The following CSMD1 variants were observed in gnomAD, a reference collection of about 807,000 sequenced individuals.
CSMD1 encodes the protein CUB and Sushi multiple domains 1, also known as CUB and sushi domain-containing protein 1.
In CSMD1, 213 loss-of-function variants were observed where a neutral mutation model predicts 417.5. That is an observed-to-expected ratio of 0.51 (90% confidence interval 0.46 to 0.57). CSMD1 has a LOEUF of 0.57. Ranked by LOEUF, CSMD1 falls within the 20% of genes least tolerant of loss-of-function variation. The probability of loss-of-function intolerance (pLI) is 0.00; values close to 1 mark genes in which losing one functional copy is unlikely to be tolerated. For missense variants in CSMD1, 6,923 were observed against 4,529.7 expected, an observed-to-expected ratio of 1.53 and a Z score of -15.17; for synonymous variants, 2,862 against 1,736.8, an observed-to-expected ratio of 1.65 and a Z score of -16.11.
intron 3 of CSMD1, among the ~76,000 whole-genome samples, chr8:4,412,171 G>C (rs1433087080): frequency 1.3e-5 from 2 of 152,098 alleles, no homozygotes; most frequent in Non-Finnish European, 2.9e-5. Context: ...ATATAGTTCG[G>C]ATATCTGTCA....
At chr8:3,058,597 A>G (rs1458239648) in intron 49 of CSMD1, among the ~76,000 whole-genome samples, 1 of 152,232 alleles carries the variant, frequency 6.6e-6, no homozygotes. Flanking sequence ...TCTAGAAAGA[A>G]TGTTTGTGCC....
intron 10 of CSMD1, among the ~76,000 whole-genome samples, chr8:3,540,622 C>T (rs1370242662): frequency 6.6e-6 from 1 of 152,048 alleles, no homozygotes; most frequent in Non-Finnish European, 1.5e-5. Context: ...AAAATTTTTG[C>T]AATCTATCCA....
chr8:4,148,230 T>G (rs1361494466), intron 3 of CSMD1, among the ~76,000 whole-genome samples: 1 of 151,764 alleles, frequency 6.6e-6, no homozygotes, highest in African/African-American at 2.4e-5. Flanking sequence ...CTGGGCAACT[T>G]TAAAACAAAA....
intron 5 of CSMD1, among the ~76,000 whole-genome samples, chr8:3,757,883 AC>A (rs1797751115): frequency 6.6e-6 from 1 of 152,030 alleles, no homozygotes. Context: ...AAAACCAACA[AC>A]AAAAACACCG....
intron 1 of CSMD1, among the ~76,000 whole-genome samples, chr8:4,907,892 C>G (rs1010693080): frequency 6.6e-6 from 1 of 151,884 alleles, no homozygotes; most frequent in East Asian, 1.9e-4. Context: ...TATCCTGCAG[C>G]CATAACAAAA....
chr8:4,013,819 G>C (rs567372866), intron 4 of CSMD1, among the ~76,000 whole-genome samples: 2 of 152,260 alleles, frequency 1.3e-5, no homozygotes, highest in South Asian at 2.1e-4. Context: ...TGTTTAGGTG[G>C]TGTCTATGGG....
In CSMD1 at chr8:3,735,295, G is replaced by C. The variant is rs906774292; in HGVS notation, c.931+18635C>G. On this transcript the variant is annotated intron_variant, in intron 6 of 69. Coordinates refer to ENST00000635120, the MANE Select transcript of CSMD1 (RefSeq NM_033225.6). ...AAACTTGGCTTATACATCATATATG[G>C]CAAGATAAAAAACAAACAAAACACA... 4.3e-5 allele frequency among the ~76,000 whole-genome samples: 6 copies of C among 141,136 alleles called. 1 individual carries two copies. The highest frequency in any genetic ancestry group is 1.5e-4 in the African/African-American group (6 of 39,768). 92.6% of individuals were successfully genotyped at this position (141,136 alleles called of 152,430 possible).
chr8:3,965,105 C>G (rs748409149), intron 5 of CSMD1, among the ~76,000 whole-genome samples: 1 of 152,160 alleles, frequency 6.6e-6, no homozygotes, highest in Non-Finnish European at 1.5e-5. Flanking sequence ...AAATGGATAA[C>G]TTCAGGCTAT....
At chr8:3,543,424 G>A (rs34268229) in intron 10 of CSMD1, among the ~76,000 whole-genome samples, 5,266 of 152,248 alleles carry the variant, frequency 0.035, 246 homozygotes, top group African/African-American at 0.11. Context: ...AGGGGCAAGT[G>A]CAGAAGGGCA....
intron 14 of CSMD1, among the ~76,000 whole-genome samples, chr8:3,406,470 G>C (rs1812348862): frequency 6.6e-6 from 1 of 152,158 alleles, no homozygotes; most frequent in Non-Finnish European, 1.5e-5. Context: ...GGTTTGAAAA[G>C]CACTTTTCAT....
At chr8:3,349,927 TATATATA>T (rs1808292288) in intron 21 of CSMD1, among the ~76,000 whole-genome samples, 1 of 144,578 alleles carries the variant, frequency 6.9e-6, no homozygotes, top group South Asian at 2.1e-4. Flanking sequence ...TATATTATAT[TATATATA>T]ATATATATTA....
At chr8:4,132,191 G>GT (rs1803150094) in intron 3 of CSMD1, among the ~76,000 whole-genome samples, 2 of 114,318 alleles carry the variant, frequency 1.7e-5, no homozygotes, top group African/African-American at 6.5e-5. Flanking sequence ...ATTTGTCATG[G>GT]ATTTTTTTTT....
chr8:3,182,624 G>GTA (rs1821423719), intron 36 of CSMD1, among the ~76,000 whole-genome samples: 1 of 56,420 alleles, frequency 1.8e-5, no homozygotes, highest in Non-Finnish European at 4.4e-5. Flanking sequence ...GTGTGTGTGT[G>GTA]TGTGTGTGTA....
chr8:3,777,543 C>G (rs1798958183), intron 5 of CSMD1, among the ~76,000 whole-genome samples: 3 of 152,160 alleles, frequency 2.0e-5, no homozygotes, highest in African/African-American at 4.8e-5. Context: ...GGAGGGCTTT[C>G]TCCTCCAGGC....
At chr8:4,950,665 G>C (rs1002126553) in intron 1 of CSMD1, among the ~76,000 whole-genome samples, 13 of 152,138 alleles carry the variant, frequency 8.5e-5, no homozygotes, top group Admixed American at 7.9e-4. Flanking sequence ...AGGATTTCCG[G>C]AAAAAGAATT....
intron 1 of CSMD1, among the ~76,000 whole-genome samples, chr8:4,849,442 G>T (rs1205648744): frequency 6.6e-6 from 1 of 151,940 alleles, no homozygotes; most frequent in Non-Finnish European, 1.5e-5. Context: ...GTGTACAACG[G>T]TTGTAAAGTC....
intron 2 of CSMD1, among the ~76,000 whole-genome samples, chr8:4,606,067 T>A (rs900042897): frequency 2.0e-5 from 3 of 152,074 alleles, no homozygotes; most frequent in African/African-American, 7.2e-5. Context: ...CTGAGAAGGA[T>A]GCGGTGGTGG....
intron 2 of CSMD1, among the ~76,000 whole-genome samples, chr8:4,482,422 A>C (rs1431576903): frequency 2.6e-5 from 4 of 152,106 alleles, no homozygotes; most frequent in Non-Finnish European, 4.4e-5. Flanking sequence ...AAAGGACATG[A>C]TCTTATTTGT....
At chr8:3,478,339 A>C (rs1231111516) in intron 11 of CSMD1, among the ~76,000 whole-genome samples, 1 of 152,222 alleles carries the variant, frequency 6.6e-6, no homozygotes, top group Non-Finnish European at 1.5e-5. Flanking sequence ...CTAAAGCCCA[A>C]CGTGATGCTA....
Sources: gnomAD v4.1 joint callset for allele counts (sites outside exome capture counted in the v4.1 genomes callset) on GRCh38, gnomAD v4.1.1 for gene constraint, MANE v1.5 for transcripts, NCBI Gene and HGNC (gene_info 2026-07-23, HGNC 2026-07-21) for gene names.